Variants in NDUFA10 observed in about 807,000 individuals in gnomAD.
The protein encoded by NDUFA10 is NADH dehydrogenase [ubiquinone] 1 alpha subcomplex subunit 10, mitochondrial.
In NDUFA10, 40 loss-of-function variants were observed where a neutral mutation model predicts 47.8. The observed-to-expected ratio is 0.84, with a 90% confidence interval of 0.65 to 1.09. NDUFA10 has a LOEUF of 1.09. NDUFA10 is among the 50% of genes least tolerant of loss of function. The pLI, the probability that NDUFA10 is intolerant of heterozygous loss-of-function variation, is 0.00. For missense variants in NDUFA10, 413 were observed against 451.1 expected, an observed-to-expected ratio of 0.92 and a Z score of 0.76; for synonymous variants, 183 against 172.2, an observed-to-expected ratio of 1.06 and a Z score of -0.49.
intron 4 of NDUFA10, among the ~76,000 whole-genome samples, chr2:239,932,727 C>A (rs1046852339): frequency 1.3e-5 from 2 of 152,058 alleles, no homozygotes; most frequent in Non-Finnish European, 2.9e-5. Context: ...CTACAGGCAT[C>A]CGCCACCATA....
chr2:239,977,965 C>G (rs994446122), intron 9 of NDUFA10, among the ~76,000 whole-genome samples: 4 of 152,200 alleles, frequency 2.6e-5, no homozygotes, highest in Non-Finnish European at 4.4e-5. Flanking sequence ...CCCCTCCAGC[C>G]TCCCCTCAGC....
chr2:239,970,520 T>C (rs141736902), intron 9 of NDUFA10, among the ~76,000 whole-genome samples: 2 of 152,348 alleles, frequency 1.3e-5, no homozygotes, highest in African/African-American at 2.4e-5. Context: ...AAAAAATTGT[T>C]TCAATCTCTT....
chr2:239,928,689 G>A lies in NDUFA10; in HGVS notation c.295-33375C>T, dbSNP rs1188482424. 6.6e-6 allele frequency among the ~76,000 whole-genome samples: 1 copy of A among 152,132 alleles called. No homozygotes were observed. Among genetic ancestry groups the A allele is most frequent in the Non-Finnish European group, 1.5e-5 (1 of 68,010 alleles). On this transcript the variant is annotated intron_variant, in intron 4 of 5. Coordinates refer to the NDUFA10 transcript ENST00000419408. The surrounding 1 kb of genome is among the most constrained non-coding windows in gnomAD (Gnocchi z 4.3). ...CAAGCCCTGCCTCACCTGCTCCAGA[G>A]GCACCCAGCCAACCACCGGACATCC... is the stretch of plus-strand genomic sequence containing the variant.
intron 4 of NDUFA10, among the ~76,000 whole-genome samples, chr2:239,943,588 T>C (rs1694395845): frequency 6.6e-6 from 1 of 152,242 alleles, no homozygotes; most frequent in African/African-American, 2.4e-5. Flanking sequence ...TGTTAGGGAC[T>C]GGGGGCAGGA....
chr2:239,977,220 C>T (rs957570800), intron 9 of NDUFA10, among the ~76,000 whole-genome samples: 1 of 152,206 alleles, frequency 6.6e-6, no homozygotes, highest in African/African-American at 2.4e-5. Context: ...CCCCAACTGC[C>T]GTCTTCTCGT....
chr2:239,985,784 G>A (rs545667848), intron 9 of NDUFA10, among the ~76,000 whole-genome samples: 2 of 152,040 alleles, frequency 1.3e-5, no homozygotes, highest in Non-Finnish European at 2.9e-5. Context: ...GGTGGCGCAT[G>A]CCTGTAGTCC....
At chr2:239,972,702 G>A (rs1695351230) in intron 9 of NDUFA10, among the ~76,000 whole-genome samples, 2 of 151,938 alleles carry the variant, frequency 1.3e-5, no homozygotes, top group East Asian at 1.9e-4. Flanking sequence ...TAAAACTATA[G>A]CTTCCTACAA....
At chr2:239,925,942 A>C (rs76426036) in intron 4 of NDUFA10, among the ~76,000 whole-genome samples, 1,944 of 152,334 alleles carry the variant, frequency 0.013, 44 homozygotes, top group African/African-American at 0.044. Context: ...ACCACAATGA[A>C]ATATCACTAT....
chr2:239,975,761 C>T (rs912289057), intron 9 of NDUFA10, among the ~76,000 whole-genome samples: 1 of 152,156 alleles, frequency 6.6e-6, no homozygotes, highest in African/African-American at 2.4e-5. Flanking sequence ...CTTCCTTCCA[C>T]CAGCCTCTCC....
downstream of NDUFA10, among the ~76,000 whole-genome samples, chr2:239,953,652 C>T (rs1371531169): frequency 1.3e-5 from 2 of 152,194 alleles, no homozygotes; most frequent in African/African-American, 4.8e-5. Context: ...ACTCCCCTTC[C>T]ACCACCTCCT....
Position 240,018,620 on chromosome 2 carries a change from C to A in NDUFA10, c.480G>T (p.Glu160Asp). 1.9e-6 allele frequency: 3 copies of A among 1,614,188 alleles called. No individual in the cohort carries two copies. The highest frequency in any genetic ancestry group is 2.5e-6 in the Non-Finnish European group (3 of 1,180,046). ...LLTTGQGVVL[E>D]RSIFSDFVFL... is the part of the protein sequence containing the mutation. The stretch of plus-strand genomic sequence containing the variant: ...ACACAAAGTCACTGAAGATGGAGCG[C>A]TCCAACACAACACCTTGTCCTGTTT... The change falls in exon 4 of 10, where the codon GAG becomes GAT. Residue 160 changes from glutamate to aspartate, a missense_variant. Physicochemically the swap from Glu to Asp is conservative, Grantham distance 45 (BLOSUM62 2). Transcript: ENST00000252711.
chr2:239,997,659 C>T (rs2079322702), intron 8 of NDUFA10, among the ~76,000 whole-genome samples: 1 of 152,166 alleles, frequency 6.6e-6, no homozygotes, highest in South Asian at 2.1e-4. Context: ...GTATTATGAA[C>T]ATGAAGAAAC....
At chr2:239,992,747 T>C (rs1696303243) in intron 8 of NDUFA10, among the ~76,000 whole-genome samples, 1 of 152,124 alleles carries the variant, frequency 6.6e-6, no homozygotes, top group African/African-American at 2.4e-5. Context: ...GGGATGTGGA[T>C]ATGAACAAGA....
intron 4 of NDUFA10, among the ~76,000 whole-genome samples, chr2:239,933,649 C>A (rs931768167): frequency 6.6e-6 from 1 of 151,686 alleles, no homozygotes; most frequent in African/African-American, 2.4e-5. Flanking sequence ...CCTCCCAGGG[C>A]TACGGGGAGT....
At position 240,014,843 on chromosome 2, in the gene NDUFA10, C is replaced by T; in HGVS notation, c.565G>A (p.Glu189Lys). The T allele has an allele frequency of 3.1e-6, 5 of 1,614,098 alleles. No homozygotes were observed. The highest frequency in any genetic ancestry group is 1.1e-5 in the South Asian group (1 of 91,074). Residue 189 changes from glutamate to lysine, a missense_variant, in exon 5 of 10, where the codon GAG becomes AAG. Coordinates refer to ENST00000252711, the MANE Select transcript of NDUFA10 (RefSeq NM_004544.4). ...TCGCAGATGGTGACGCTCTTCACCT[C>T]GTTGTAGTGGTCCACACCTGGCACA... ...IRKQCVDHYN[E>K]VKSVTICDYL...
chr2:239,973,601 C>T (rs565456750), intron 9 of NDUFA10: 5 of 470,212 alleles, frequency 1.1e-5, no homozygotes, highest in Non-Finnish European at 2.2e-5. Context: ...GAACGATCAG[C>T]TTCAAGGAGG....
chr2:239,915,927 TACAC>T (rs1414288280), intron 4 of NDUFA10, among the ~76,000 whole-genome samples: 2 of 111,678 alleles, frequency 1.8e-5, no homozygotes, highest in Non-Finnish European at 3.6e-5. Context: ...CACACACACA[TACAC>T]AGACAGACAC....
At chr2:240,011,780 T>A in intron 5 of NDUFA10, 84 bp from the exon 6 acceptor site, 2 of 1,201,550 alleles carry the variant, frequency 1.7e-6, no homozygotes, top group Non-Finnish European at 2.5e-6. Context: ...GCGAAGACAA[T>A]CACTGACCAC....
chr2:239,962,871 C>G (rs1052256070), intron 9 of NDUFA10, among the ~76,000 whole-genome samples: 1 of 151,998 alleles, frequency 6.6e-6, no homozygotes, highest in Admixed American at 6.5e-5. Flanking sequence ...AATGAGAGGT[C>G]GACGCGCACT....
Sources: gnomAD v4.1 joint callset for allele counts (sites outside exome capture counted in the v4.1 genomes callset) on GRCh38, gnomAD v4.1.1 for gene constraint, Gnocchi (gnomAD v3.1) non-coding constraint, MANE v1.5 for transcripts, NCBI Gene and HGNC (gene_info 2026-07-23, HGNC 2026-07-21) for gene names.